PIK3C2A: variants seen among roughly 807,000 people sequenced by gnomAD.
PIK3C2A encodes phosphatidylinositol-4-phosphate 3-kinase catalytic subunit type 2 alpha, also known as phosphatidylinositol 4-phosphate 3-kinase C2 domain-containing subunit alpha.
PIK3C2A carries 97 observed loss-of-function variants against 204.5 expected under a neutral mutation model. That is an observed-to-expected ratio of 0.47 (90% CI 0.40 to 0.56). The LOEUF is 0.56. PIK3C2A is among the 20% of genes least tolerant of loss of function. The pLI, the probability that PIK3C2A is intolerant of heterozygous loss-of-function variation, is 0.00. For missense variants in PIK3C2A, 1,735 were observed against 1,969.2 expected, an observed-to-expected ratio of 0.88 and a Z score of 2.25; for synonymous variants, 653 against 664.4, an observed-to-expected ratio of 0.98 and a Z score of 0.26.
chr11:17,147,352 G>C (rs191482232), intron 6 of PIK3C2A, among the ~76,000 whole-genome samples, 165 bp downstream of exon 6: 1 of 152,158 alleles, frequency 6.6e-6, no homozygotes, highest in Non-Finnish European at 1.5e-5. Context: ...AAACCTCCAT[G>C]ATTGAACATC....
At chr11:17,093,745 C>T (rs1848378186) in intron 28 of PIK3C2A, among the ~76,000 whole-genome samples, 1 of 151,794 alleles carries the variant, frequency 6.6e-6, no homozygotes, top group African/African-American at 2.4e-5. Flanking sequence ...TCAATCAATC[C>T]TCTCACTTCA....
chr11:17,093,923 G>A (rs1416679431), intron 28 of PIK3C2A, among the ~76,000 whole-genome samples: 1 of 152,098 alleles, frequency 6.6e-6, no homozygotes, highest in Non-Finnish European at 1.5e-5. Flanking sequence ...AAGCTTGTGA[G>A]CCACCACACC....
intron 1 of PIK3C2A, among the ~76,000 whole-genome samples, chr11:17,197,607 G>A (rs1387574223): frequency 6.6e-6 from 1 of 152,136 alleles, no homozygotes; most frequent in Non-Finnish European, 1.5e-5. Context: ...ACAAGGAAAG[G>A]GGATATAGTC....
chr11:17,145,265 C>T (rs1288681889), intron 8 of PIK3C2A, among the ~76,000 whole-genome samples: 1 of 152,026 alleles, frequency 6.6e-6, no homozygotes, highest in Non-Finnish European at 1.5e-5. Context: ...GGCTCTATGT[C>T]CCCCCCAAAT....
chr11:17,151,532 A>G, intron 3 of PIK3C2A, among the ~76,000 whole-genome samples: 1 of 152,212 alleles, frequency 6.6e-6, no homozygotes. Context: ...GAGGTAGCAC[A>G]TGTAACCATT....
At chr11:17,189,654 C>T (rs1373899707) in intron 1 of PIK3C2A, among the ~76,000 whole-genome samples, 1 of 127,298 alleles carries the variant, frequency 7.9e-6, no homozygotes, top group Non-Finnish European at 1.5e-5. Context: ...CTTTCATCGC[C>T]CCATAAAGAA....
chr11:17,117,779 T>C (rs1413537631), intron 18 of PIK3C2A, 108 bp from the exon 19 acceptor site: 3 of 592,360 alleles, frequency 5.1e-6, no homozygotes, highest in Admixed American at 3.3e-5. Flanking sequence ...AGTGGCGCCA[T>C]CTCGGCTCAC....
At position 17,104,724 on chromosome 11, in the gene PIK3C2A, CAAAA is replaced by C. The variant is rs5789973; in HGVS notation, c.3681+441_3681+444del. 1.6e-3 allele frequency among the ~76,000 whole-genome samples: 142 copies of C among 87,388 alleles called. 1 individual carries two copies. The highest frequency in any genetic ancestry group is 6.1e-3 in the African/African-American group (129 of 21,164). 57.3% of individuals were successfully genotyped at this position (87,388 alleles called of 152,430 possible). Reference sequence around the variant, plus strand: ...TGGGTGACAGAGTGAGACTCCATCTCAAAAAAAAAAAAAAAAAAAAAATTTGCAT... The same window carrying C: ...TGGGTGACAGAGTGAGACTCCATCTCAAAAAAAAAAAAAAAAAATTTGCAT... On this transcript the variant is annotated intron_variant, in intron 23 of 32. Coordinates refer to ENST00000691414, the MANE Select transcript of PIK3C2A (RefSeq NM_002645.4).
chr11:17,200,540 G>A (rs779933815), intron 1 of PIK3C2A, among the ~76,000 whole-genome samples: 1 of 152,150 alleles, frequency 6.6e-6, no homozygotes, highest in African/African-American at 2.4e-5. Flanking sequence ...TGGCATTTTG[G>A]GAAAGGCCAA....
At chr11:17,133,936 A>AT (rs1849784802) in intron 11 of PIK3C2A, among the ~76,000 whole-genome samples, 1 of 152,100 alleles carries the variant, frequency 6.6e-6, no homozygotes, top group African/African-American at 2.4e-5. Context: ...TCAAAAAAAA[A>AT]AATAATAATA....
At chr11:17,114,282 C>T (rs1590922805) in intron 20 of PIK3C2A, 79 bp downstream of exon 20, 2 of 756,734 alleles carry the variant, frequency 2.6e-6, no homozygotes, top group African/African-American at 1.7e-5. Flanking sequence ...CCTTCATTTG[C>T]CTTAAGCATA....
intron 8 of PIK3C2A, among the ~76,000 whole-genome samples, chr11:17,142,010 T>A (rs1850079245): frequency 6.6e-6 from 1 of 152,190 alleles, no homozygotes; most frequent in Admixed American, 6.5e-5. Context: ...TATGCATGTG[T>A]AGGGAAGGGG....
intron 1 of PIK3C2A, among the ~76,000 whole-genome samples, chr11:17,207,190 C>T (rs916867270): frequency 3.3e-5 from 5 of 152,138 alleles, no homozygotes; most frequent in Admixed American, 6.5e-5. Context: ...ATTTATGATT[C>T]CTCCGTCACT....
At chr11:17,158,722 AG>A (rs1374010919) in intron 2 of PIK3C2A, among the ~76,000 whole-genome samples, 1 of 152,210 alleles carries the variant, frequency 6.6e-6, no homozygotes, top group East Asian at 1.9e-4. Context: ...CTTTCCCTGA[AG>A]AACTGTTCTT....
chr11:17,169,968 C>T (rs1380845838), intron 1 of PIK3C2A, among the ~76,000 whole-genome samples, 162 bp from the exon 2 acceptor site: 1 of 152,174 alleles, frequency 6.6e-6, no homozygotes, highest in Admixed American at 6.5e-5. Flanking sequence ...GAACACTTAA[C>T]ACCTTATACA....
chr11:17,122,220 A>G lies in PIK3C2A; in HGVS notation c.2625T>C (p.Leu875=). The change falls in exon 15 of 33, where the codon CTT becomes CTC. Residue 875 remains leucine, a synonymous_variant. Coordinates refer to ENST00000691414, the MANE Select transcript of PIK3C2A (RefSeq NM_002645.4). ...ATGAGTCTTTATGAAGAATATCAAGAAGTTTCCCTTTTATATCATTCTCTA... is the reference window on the plus strand; with the variant it reads ...ATGAGTCTTTATGAAGAATATCAAGGAGTTTCCCTTTTATATCATTCTCTA... The part of the protein sequence containing the change: ...ETLENDIKGK[L]LDILHKDSSL... The G allele has an allele frequency of 6.3e-7, 1 of 1,581,244 alleles. No homozygotes were observed.
At chr11:17,110,220 TG>T (rs1176662481) in intron 22 of PIK3C2A, among the ~76,000 whole-genome samples, 1 of 152,140 alleles carries the variant, frequency 6.6e-6, no homozygotes, top group Non-Finnish European at 1.5e-5. Flanking sequence ...CCCAAAGTGC[TG>T]GGATTACAGG....
In PIK3C2A at chr11:17,093,418, C is replaced by A. The variant is rs1848365855; in HGVS notation, c.4451+843G>T. Among the ~76,000 whole-genome samples, 3 of 152,160 alleles carry A rather than the reference C, an allele frequency of 2.0e-5. No individual in the cohort carries two copies. The South Asian group carries it at 6.2e-4, about 32-fold the overall frequency. ...AGTAGCTGGGACTACAGGCGCCTGC[C>A]ACCATGCCCAGCTAATTTTTTGTAT... On this transcript the variant is annotated intron_variant, in intron 28 of 32. Transcript: ENST00000691414.
chr11:17,155,148 A>G (rs768743922), intron 3 of PIK3C2A, among the ~76,000 whole-genome samples: 7 of 152,198 alleles, frequency 4.6e-5, no homozygotes, highest in South Asian at 4.1e-4. Context: ...CTTGCCTATT[A>G]TAATATCATC....
Sources: allele counts gnomAD v4.1 joint callset (sites outside exome capture counted in the v4.1 genomes callset), GRCh38; gene constraint gnomAD v4.1.1; transcripts MANE v1.5; gene names NCBI Gene and HGNC (gene_info 2026-07-23, HGNC 2026-07-21).